The following CSMD1 variants were observed in gnomAD, a reference collection of about 807,000 sequenced individuals.
CSMD1 encodes CUB and sushi domain-containing protein 1.
In CSMD1, 213 loss-of-function variants were observed where a neutral mutation model predicts 417.5. The observed-to-expected ratio is 0.51, with a 90% CI of 0.46 to 0.57. The LOEUF (loss-of-function observed/expected upper bound fraction) is 0.57, where lower values mean the gene tolerates loss of function less well. Ranked by LOEUF, CSMD1 falls within the 20% of genes least tolerant of loss-of-function variation. The pLI, the probability that CSMD1 is intolerant of heterozygous loss-of-function variation, is 0.00. For missense variants in CSMD1, 6,923 were observed against 4,529.7 expected, an observed-to-expected ratio of 1.53 and a Z score of -15.17; for synonymous variants, 2,862 against 1,736.8, an observed-to-expected ratio of 1.65 and a Z score of -16.11.
chr8:4,178,800 C>T (rs1016171985), intron 3 of CSMD1, among the ~76,000 whole-genome samples: 10 of 151,756 alleles, frequency 6.6e-5, no homozygotes, highest in African/African-American at 2.4e-4. Context: ...GACAAACAGC[C>T]AAATCAGGAG....
chr8:3,869,059 G>T (rs1805300078), intron 5 of CSMD1, among the ~76,000 whole-genome samples: 1 of 152,172 alleles, frequency 6.6e-6, no homozygotes, highest in African/African-American at 2.4e-5. Flanking sequence ...TCCCTTCGTG[G>T]CTGCCACGCT....
At chr8:4,017,192 C>CT (rs920571765) in intron 4 of CSMD1, among the ~76,000 whole-genome samples, 47 of 152,252 alleles carry the variant, frequency 3.1e-4, no homozygotes, top group African/African-American at 1.0e-3. Context: ...TTCTAGATAT[C>CT]TTTTTTTAAA....
chr8:4,170,214 C>A (rs1396718017), intron 3 of CSMD1, among the ~76,000 whole-genome samples: 1 of 151,840 alleles, frequency 6.6e-6, no homozygotes, highest in African/African-American at 2.4e-5. Flanking sequence ...GCAGAACTAG[C>A]TGTTATCTCT....
chr8:3,648,635 A>G (rs901396366), intron 7 of CSMD1, among the ~76,000 whole-genome samples: 1 of 152,234 alleles, frequency 6.6e-6, no homozygotes, highest in Admixed American at 6.5e-5. Flanking sequence ...TCTCTAGAGC[A>G]TAACAGGACA....
chr8:4,301,598 G>C (rs13282958), intron 3 of CSMD1, among the ~76,000 whole-genome samples: 22,793 of 152,210 alleles, frequency 0.15, 1,899 homozygotes, highest in Non-Finnish European at 0.19. Context: ...TGTCAAGATT[G>C]TATAAGCTGA....
At chr8:3,933,201 A>G (rs1449401752) in intron 5 of CSMD1, among the ~76,000 whole-genome samples, 1 of 135,780 alleles carries the variant, frequency 7.4e-6, no homozygotes, top group Non-Finnish European at 1.6e-5. Flanking sequence ...ATTTTTTCCA[A>G]AACAATTTCT....
chr8:3,973,107 T>A (rs1813195965), intron 5 of CSMD1, among the ~76,000 whole-genome samples: 1 of 152,254 alleles, frequency 6.6e-6, no homozygotes, highest in Non-Finnish European at 1.5e-5. Context: ...GCAAGCCTGC[T>A]TTCTTGACAG....
intron 1 of CSMD1, among the ~76,000 whole-genome samples, chr8:4,762,053 C>CA (rs895793979): frequency 6.6e-6 from 1 of 151,804 alleles, no homozygotes; most frequent in Non-Finnish European, 1.5e-5. Context: ...TGATTAAGAC[C>CA]AAATAAGTCT....
At chr8:3,248,330 CA>C (rs1472477730) in intron 26 of CSMD1, among the ~76,000 whole-genome samples, 1 of 152,098 alleles carries the variant, frequency 6.6e-6, no homozygotes, top group Middle Eastern at 3.4e-3. Context: ...TAGTGATGAA[CA>C]GCACCCATGT....
At chr8:3,243,463 C>G (rs963157006) in intron 26 of CSMD1, among the ~76,000 whole-genome samples, 1 of 138,838 alleles carries the variant, frequency 7.2e-6, no homozygotes, top group African/African-American at 2.7e-5. Flanking sequence ...AAATTACAGT[C>G]AAAGGGGGTT....
chr8:3,702,660 A>C (rs560576530), intron 7 of CSMD1, among the ~76,000 whole-genome samples: 1 of 152,162 alleles, frequency 6.6e-6, no homozygotes, highest in African/African-American at 2.4e-5. Context: ...GTGAAACCCC[A>C]TATCTACTAA....
intron 2 of CSMD1, among the ~76,000 whole-genome samples, chr8:4,422,993 G>C (rs1044305438): frequency 7.9e-5 from 12 of 151,928 alleles, no homozygotes; most frequent in African/African-American, 2.9e-4. Flanking sequence ...CATGAGAAAA[G>C]TTCTCAGTAA....
chr8:3,853,129 A>T (rs1804028697), intron 5 of CSMD1, among the ~76,000 whole-genome samples: 1 of 152,176 alleles, frequency 6.6e-6, no homozygotes, highest in African/African-American at 2.4e-5. Context: ...CAGTGGCAGC[A>T]GGTGGCTGAG....
intron 1 of CSMD1, among the ~76,000 whole-genome samples, chr8:4,736,173 A>G (rs917305185): frequency 1.3e-5 from 2 of 152,164 alleles, no homozygotes; most frequent in Non-Finnish European, 2.9e-5. Context: ...TTCAAATATT[A>G]ACTTCTTCTC....
At chr8:4,627,832 G>A (rs1381099915) in intron 2 of CSMD1, among the ~76,000 whole-genome samples, 1 of 152,098 alleles carries the variant, frequency 6.6e-6, no homozygotes, top group Non-Finnish European at 1.5e-5. Context: ...GACAATTCTA[G>A]ATATTGCTAT....
intron 2 of CSMD1, among the ~76,000 whole-genome samples, chr8:4,488,010 T>A (rs1219088173): frequency 6.6e-6 from 1 of 152,140 alleles, no homozygotes; most frequent in Non-Finnish European, 1.5e-5. Flanking sequence ...TATTATGAGA[T>A]GGGGCTTTCT....
intron 1 of CSMD1, among the ~76,000 whole-genome samples, chr8:4,900,901 C>A (rs892582196): frequency 3.3e-5 from 5 of 152,296 alleles, no homozygotes; most frequent in Admixed American, 3.3e-4. Flanking sequence ...GCAGGTGCAC[C>A]ACTAGTTACT....
intron 5 of CSMD1, among the ~76,000 whole-genome samples, chr8:3,769,213 A>G (rs2623642): frequency 0.32 from 48,045 of 152,064 alleles, 9,069 homozygotes; most frequent in African/African-American, 0.52. Flanking sequence ...CATGTTGGTG[A>G]CACCTACAAC....
At chr8:3,818,459 G>C (rs971886215) in intron 5 of CSMD1, among the ~76,000 whole-genome samples, 4 of 152,180 alleles carry the variant, frequency 2.6e-5, no homozygotes, top group African/African-American at 9.6e-5. Flanking sequence ...CAGCTATCCA[G>C]TGAGCTCAAT....
Sources: allele counts gnomAD v4.1 joint callset (sites outside exome capture counted in the v4.1 genomes callset), GRCh38; gene constraint gnomAD v4.1.1; transcripts MANE v1.5; gene names NCBI Gene and HGNC (gene_info 2026-07-23, HGNC 2026-07-21).